Variants in NELL2 observed in about 807,000 individuals in gnomAD.
NELL2 encodes neural EGFL like 2.
Under a neutral mutation model 109.6 loss-of-function variants are expected in NELL2, and 41 were observed. The observed-to-expected ratio is 0.37, with a 90% CI of 0.29 to 0.49. The LOEUF is 0.49. NELL2 is among the 20% of genes least tolerant of loss of function. The probability of loss-of-function intolerance (pLI) is 0.98; values close to 1 mark genes in which losing one functional copy is unlikely to be tolerated. For synonymous variants in NELL2, 355 were observed against 344.7 expected, an observed-to-expected ratio of 1.03 and a Z score of -0.33; for missense variants, 900 against 1,008.3, an observed-to-expected ratio of 0.89 and a Z score of 1.45.
chr12:44,558,425 G>C (rs1258335766), intron 15 of NELL2, among the ~76,000 whole-genome samples: 1 of 152,214 alleles, frequency 6.6e-6, no homozygotes, highest in Non-Finnish European at 1.5e-5. Context: ...AAACGTGGAA[G>C]GTGGGTGATT....
intron 2 of NELL2, among the ~76,000 whole-genome samples, chr12:44,819,344 T>C (rs1394972517): frequency 6.6e-6 from 1 of 152,224 alleles, no homozygotes; most frequent in East Asian, 1.9e-4. Context: ...AATTATTAAC[T>C]TATACAGGTT....
At chr12:44,765,849 A>G (rs4542477) in intron 9 of NELL2, among the ~76,000 whole-genome samples, 113,832 of 152,160 alleles carry the variant, frequency 0.75, 43,215 homozygotes, top group Non-Finnish European at 0.82. Flanking sequence ...AATTGGCAGG[A>G]TGCAGTGGCT....
chr12:44,604,539 A>G (rs1296867755), intron 15 of NELL2, among the ~76,000 whole-genome samples: 1 of 152,118 alleles, frequency 6.6e-6, no homozygotes, highest in African/African-American at 2.4e-5. Flanking sequence ...TTATTTATTC[A>G]CCAAATATTT....
At chr12:44,699,928 T>G (rs182593824) in intron 12 of NELL2, among the ~76,000 whole-genome samples, 178 of 152,278 alleles carry the variant, frequency 1.2e-3, no homozygotes, top group African/African-American at 4.2e-3. Flanking sequence ...GACAATCCCT[T>G]CCGTCTCCTC....
chr12:44,732,502 T>C (rs1939421395), intron 9 of NELL2, among the ~76,000 whole-genome samples: 5 of 152,014 alleles, frequency 3.3e-5, no homozygotes, highest in Admixed American at 2.0e-4. Flanking sequence ...CAATATCAAA[T>C]GCAGAAGAAT....
At chr12:44,906,031 T>G (rs1472803747) in intron 1 of NELL2, among the ~76,000 whole-genome samples, 1 of 151,996 alleles carries the variant, frequency 6.6e-6, no homozygotes, top group Non-Finnish European at 1.5e-5. Flanking sequence ...GAAAGAAAAT[T>G]GTGAAGATTA....
At chr12:44,576,861 C>A (rs1260900176) in intron 15 of NELL2, among the ~76,000 whole-genome samples, 1 of 150,600 alleles carries the variant, frequency 6.6e-6, no homozygotes, top group Admixed American at 6.6e-5. Flanking sequence ...CACGTCCCTA[C>A]AAAGGACATG....
intron 12 of NELL2, among the ~76,000 whole-genome samples, chr12:44,694,102 G>A (rs1049992968): frequency 6.6e-6 from 1 of 152,102 alleles, no homozygotes; most frequent in Non-Finnish European, 1.5e-5. Flanking sequence ...AGGCCAGGTG[G>A]TAACCAGACA....
In NELL2 at chr12:44,703,865, A is replaced by G. The variant is rs1435106471; in HGVS notation, c.1190-11T>C. On this transcript the variant is annotated splice_polypyrimidine_tract_variant and intron_variant, in intron 11 of 19. Coordinates refer to ENST00000429094, the MANE Select transcript of NELL2 (RefSeq NM_001145108.2). ...AACAAAAGTCATAACCTACAGAAAA[A>G]AAAAGAAATTTATTAAGGTAAATGA... The G allele has an allele frequency of 1.9e-6, 3 of 1,602,574 alleles. No individual in the cohort carries two copies. The highest frequency in any genetic ancestry group is 1.7e-5 in the Admixed American group (1 of 57,226).
intron 13 of NELL2, 189 bp downstream of exon 13, chr12:44,665,295 T>C (rs1159050185): frequency 2.4e-6 from 1 of 418,784 alleles, no homozygotes; most frequent in Non-Finnish European, 4.2e-6. Context: ...TATATATTTA[T>C]CCAGAGCAAG....
At chr12:44,704,537 T>TA (rs1937749855) in intron 11 of NELL2, among the ~76,000 whole-genome samples, 1 of 152,196 alleles carries the variant, frequency 6.6e-6, no homozygotes, top group Non-Finnish European at 1.5e-5. Flanking sequence ...TTTCTCAAGA[T>TA]CTCTTTTTGT....
At position 44,522,071 on chromosome 12, in the gene NELL2, G is replaced by A; in HGVS notation, c.2104C>T (p.His702Tyr). The A allele has an allele frequency of 6.2e-7, 1 of 1,614,078 alleles. No individual in the cohort carries two copies. The highest frequency in any genetic ancestry group is 1.1e-5 in the South Asian group (1 of 91,078). The change falls in exon 18 of 20, where the codon CAT (histidine) becomes TAT (tyrosine). Residue 702 changes from histidine (H) to tyrosine (Y), a missense_variant. His to Tyr is a moderately conservative substitution (Grantham distance 83, BLOSUM62 2). Coordinates refer to ENST00000429094, the MANE Select transcript of NELL2 (RefSeq NM_001145108.2). The part of the protein sequence containing the change: ...CDPRLSSQCL[H>Y]QNGETLYNSG... ...TTATACAAAGTTTCCCCATTTTGATGGAGGCACTGACTACTAAGCCTTGGG... is the reference window on the plus strand; with the variant it reads ...TTATACAAAGTTTCCCCATTTTGATAGAGGCACTGACTACTAAGCCTTGGG...
At chr12:44,644,613 TATATATATATATACATAC>T (rs1490668756) in intron 13 of NELL2, among the ~76,000 whole-genome samples, 2 of 95,110 alleles carry the variant, frequency 2.1e-5, no homozygotes, top group African/African-American at 4.1e-5. Context: ...TGTATGTATA[TATATATATATATACATAC>T]ATATATATAT....
chr12:44,842,650 A>T (rs1944261988), intron 2 of NELL2, among the ~76,000 whole-genome samples: 1 of 152,216 alleles, frequency 6.6e-6, no homozygotes, highest in Admixed American at 6.5e-5. Flanking sequence ...AAAATAAATA[A>T]GTGTTCTGGG....
At chr12:44,611,694 T>C (rs1311103911) in intron 13 of NELL2, among the ~76,000 whole-genome samples, 2 of 152,062 alleles carry the variant, frequency 1.3e-5, no homozygotes, top group African/African-American at 2.4e-5. Context: ...GCAGAACCAA[T>C]ATCATTGTAA....
chr12:44,861,378 C>G (rs1238152965), intron 2 of NELL2, among the ~76,000 whole-genome samples: 3 of 152,182 alleles, frequency 2.0e-5, no homozygotes, highest in South Asian at 2.1e-4. Flanking sequence ...AGTGCCAAAC[C>G]GGATCCCACA....
intron 1 of NELL2, among the ~76,000 whole-genome samples, chr12:44,886,894 T>A (rs1301991675): frequency 6.6e-6 from 1 of 152,006 alleles, no homozygotes; most frequent in Non-Finnish European, 1.5e-5. Flanking sequence ...AGCTCCCATA[T>A]ATGAGTGACA....
chr12:44,808,127 G>A (rs1943063565), intron 3 of NELL2, among the ~76,000 whole-genome samples: 1 of 152,064 alleles, frequency 6.6e-6, no homozygotes, highest in South Asian at 2.1e-4. Flanking sequence ...TTAGTCTATG[G>A]GCTGCGGCAG....
At chr12:44,840,936 T>A (rs1944208339) in intron 2 of NELL2, among the ~76,000 whole-genome samples, 1 of 152,234 alleles carries the variant, frequency 6.6e-6, no homozygotes. Context: ...TTTGAGGCGA[T>A]AACAAGTAGT....
Sources: gnomAD v4.1 joint callset for allele counts (sites outside exome capture counted in the v4.1 genomes callset) on GRCh38, gnomAD v4.1.1 for gene constraint, MANE v1.5 for transcripts, NCBI Gene and HGNC (gene_info 2026-07-23, HGNC 2026-07-21) for gene names.